MCMBP: variants seen among roughly 807,000 people sequenced by gnomAD.
The protein encoded by MCMBP is mini-chromosome maintenance complex-binding protein.
In MCMBP, 31 loss-of-function variants were observed where a neutral mutation model predicts 81.3. The ratio of observed to expected loss-of-function variants is 0.38; its 90% CI spans 0.29 to 0.51. The LOEUF (loss-of-function observed/expected upper bound fraction) is 0.51, where lower values mean the gene tolerates loss of function less well. MCMBP is among the 20% of genes least tolerant of loss of function. MCMBP has a pLI of 0.87. For synonymous variants in MCMBP, 267 were observed against 275.9 expected (o/e 0.97, Z 0.32); for missense variants, 645 against 772.1 (o/e 0.84, Z 1.95).
At chr10:119,868,552 T>A (rs1853554964) in intron 1 of MCMBP, among the ~76,000 whole-genome samples, 1 of 152,230 alleles carries the variant, frequency 6.6e-6, no homozygotes, top group African/African-American at 2.4e-5. Context: ...ACTTTCAATG[T>A]ACAAGGCAAA....
In MCMBP at chr10:119,830,236, T is replaced by TTATC. The variant is rs993415775; in HGVS notation, c.*1234_*1237dup. The TTATC allele has an allele frequency of 6.6e-6, 1 of 152,616 alleles. No individual in the cohort carries two copies. The highest frequency in any genetic ancestry group is 2.4e-5 in the African/African-American group (1 of 41,448). 9.5% of individuals were successfully genotyped at this position (152,616 alleles called of 1,614,324 possible). A position where few individuals can be genotyped will look rare whatever the true frequency, so the allele number is the denominator to read the frequency against. On this transcript the variant is annotated 3_prime_UTR_variant, in exon 16 of 16. Coordinates refer to ENST00000369077, the MANE Select transcript of MCMBP (RefSeq NM_001256378.2). ...TATAGGAAAAAACGTAAGGGATCCT[T>TTATC]TATCTGCCTCCAACTAGGTAAGTTA...
rs906512902 is a variant in MCMBP, at chr10:119,833,412, G to GT, written c.1708-1313dup. 1.7e-4 allele frequency among the ~76,000 whole-genome samples: 26 copies of GT among 151,778 alleles called. No homozygotes were observed. In the Middle Eastern group the frequency reaches 0.01, roughly 60 times the overall value. On this transcript the variant is annotated intron_variant, in intron 14 of 15. Coordinates refer to ENST00000369077, the MANE Select transcript of MCMBP (RefSeq NM_001256378.2). ...AATCCCAACACATTGGGAGGCCAAG[G>GT]TGGGAGGACTACTTGAAGCCAGGAG...
chr10:119,865,445 A>G (rs1010913491), intron 1 of MCMBP, among the ~76,000 whole-genome samples: 2 of 152,200 alleles, frequency 1.3e-5, no homozygotes, highest in Non-Finnish European at 2.9e-5. Flanking sequence ...TACAAAAGTT[A>G]GCTGGGCTTG....
intron 6 of MCMBP, among the ~76,000 whole-genome samples, chr10:119,851,853 G>A (rs1852835742): frequency 6.6e-6 from 1 of 152,062 alleles, no homozygotes; most frequent in Non-Finnish European, 1.5e-5. Flanking sequence ...GTTTACCACT[G>A]ACTGTTAAAT....
chr10:119,863,201 G>A (rs566457382), intron 1 of MCMBP, among the ~76,000 whole-genome samples: 18 of 151,974 alleles, frequency 1.2e-4, no homozygotes, highest in Admixed American at 3.9e-4. Flanking sequence ...CTGTGCCTTC[G>A]GTGTCATGTC....
At chr10:119,862,023 T>C (rs1024991842) in intron 1 of MCMBP, among the ~76,000 whole-genome samples, 6 of 152,140 alleles carry the variant, frequency 3.9e-5, no homozygotes, top group Admixed American at 3.3e-4. Flanking sequence ...AAAAATCCTC[T>C]TGGCTGGGTG....
At chr10:119,871,632 G>T (rs899822248) in intron 1 of MCMBP, among the ~76,000 whole-genome samples, 11 of 152,166 alleles carry the variant, frequency 7.2e-5, no homozygotes, top group African/African-American at 2.4e-4. Flanking sequence ...AGTACCCCAA[G>T]ATGTTTTTTT....
intron 1 of MCMBP, among the ~76,000 whole-genome samples, chr10:119,863,862 G>C: frequency 6.6e-6 from 1 of 151,430 alleles, no homozygotes; most frequent in Non-Finnish European, 1.5e-5. Flanking sequence ...GGTGAGTTTG[G>C]ATAGTTTGTG....
Position 119,832,030 on chromosome 10 carries a change from T to C in MCMBP, c.1778A>G (p.Gln593Arg), listed in dbSNP as rs1437968065. ...PQSITADDLH[Q>R]LLVVARCLSL... ...CACTTACCGAGCCACCACGAGCAGC[T>C]GGTGAAGATCATCAGCAGTGATGCT... The change falls in exon 15 of 16, where the codon CAG becomes CGG. Residue 593 changes from glutamine to arginine, a missense_variant. Transcript: ENST00000369077. 3.1e-6 allele frequency: 5 copies of C among 1,611,950 alleles called. No individual in the cohort carries two copies. The highest frequency in any genetic ancestry group is 4.2e-6 in the Non-Finnish European group (5 of 1,179,422).
At chr10:119,842,854 T>C in intron 9 of MCMBP, 1 of 385,752 alleles carries the variant, frequency 2.6e-6, no homozygotes, top group Non-Finnish European at 4.9e-6. Flanking sequence ...AACCTCTGCC[T>C]CCAGTTCTCC....
intron 5 of MCMBP, among the ~76,000 whole-genome samples, chr10:119,855,820 A>G (rs1853019649): frequency 6.6e-6 from 1 of 152,376 alleles, no homozygotes; most frequent in Middle Eastern, 3.4e-3. Context: ...TAGATATCCC[A>G]CAGACATTAA....
chr10:119,848,404 G>A (rs2134366100), intron 7 of MCMBP, among the ~76,000 whole-genome samples: 1 of 152,214 alleles, frequency 6.6e-6, no homozygotes, highest in East Asian at 1.9e-4. Flanking sequence ...TTGAGGTCAG[G>A]AGTTCGAGAC....
rs1852212799 is a variant in MCMBP, at chr10:119,835,608, T to C, written c.1639A>G (p.Asn547Asp). ...LLSAVLPSVL[N>D]KFRIYLTLLR... ...AGAGTTAGATAAATGCGGAATTTGTTCAGCACGGAAGGCAGCACCGCTGAG... is the reference window on the plus strand; with the variant it reads ...AGAGTTAGATAAATGCGGAATTTGTCCAGCACGGAAGGCAGCACCGCTGAG... Residue 547 changes from asparagine to aspartate, a missense_variant, in exon 14 of 16, where the codon AAC becomes GAC. Transcript: ENST00000369077. 1 of 1,614,106 alleles carries C rather than the reference T, an allele frequency of 6.2e-7. No homozygotes were observed. The highest frequency in any genetic ancestry group is 8.5e-7 in the Non-Finnish European group (1 of 1,180,026).
intron 14 of MCMBP, among the ~76,000 whole-genome samples, chr10:119,835,335 C>CT (rs1265654388): frequency 1.2e-4 from 19 of 152,066 alleles, no homozygotes; most frequent in Non-Finnish European, 2.6e-4. Context: ...AAGAAAATAA[C>CT]TTTAAGAAAC....
chr10:119,844,289 C>T (rs17099340), intron 8 of MCMBP, among the ~76,000 whole-genome samples: 8,296 of 152,206 alleles, frequency 0.055, 415 homozygotes, highest in South Asian at 0.26. Flanking sequence ...ATTTGTGAGA[C>T]GACCAAAACA....
rs1329337610 is a variant in MCMBP, at chr10:119,830,623, A to T, written c.*851T>A. 6.6e-6 allele frequency: 1 copy of T among 152,432 alleles called. No homozygotes were observed. Among genetic ancestry groups the T allele is most frequent in the African/African-American group, 2.4e-5 (1 of 41,416 alleles). The allele number at this position is 152,432 out of a possible 1,614,324, so 9.4% of individuals were successfully genotyped here. ...AGCATTCCCTTATGCATGGTTCTCA[A>T]ATGCACTGGGATAGGAGAAAATAAA... On this transcript the variant is annotated 3_prime_UTR_variant, in exon 16 of 16. Transcript: ENST00000369077.
chr10:119,836,764 T>TG, intron 13 of MCMBP, 132 bp downstream of exon 13: 1 of 14,788 alleles, frequency 6.8e-5, no homozygotes, highest in Non-Finnish European at 1.1e-4. Context: ...ACAGTTTTTT[T>TG]TTTTTTTTTT....
At chr10:119,848,567 C>G (rs1322886887) in intron 7 of MCMBP, among the ~76,000 whole-genome samples, 1 of 152,002 alleles carries the variant, frequency 6.6e-6, no homozygotes, top group Non-Finnish European at 1.5e-5. Context: ...GAGCCGAGAT[C>G]GTGCCACTGC....
At chr10:119,831,665 A>G in intron 15 of MCMBP, 65 bp from the exon 16 acceptor site, 1 of 1,562,898 alleles carries the variant, frequency 6.4e-7, no homozygotes, top group East Asian at 2.3e-5. Flanking sequence ...AATTTTTTTT[A>G]AGACCTAGGA....
Sources: allele counts gnomAD v4.1 joint callset (sites outside exome capture counted in the v4.1 genomes callset), GRCh38; gene constraint gnomAD v4.1.1; transcripts MANE v1.5; gene names NCBI Gene and HGNC (gene_info 2026-07-23, HGNC 2026-07-21).